GABRG3: variants seen among roughly 807,000 people sequenced by gnomAD.
GABRG3 encodes gamma-aminobutyric acid type A receptor subunit gamma3.
Under a neutral mutation model 48.8 loss-of-function variants are expected in GABRG3, and 25 were observed. The ratio of observed to expected loss-of-function variants is 0.51; its 90% CI spans 0.37 to 0.72. The LOEUF is 0.72. GABRG3 is among the 30% of genes least tolerant of loss of function. The pLI, the probability that GABRG3 is intolerant of heterozygous loss-of-function variation, is 0.00. For synonymous variants in GABRG3, 227 were observed against 217.6 expected (o/e 1.04, Z -0.38); for missense variants, 394 against 577.9 (o/e 0.68, Z 3.26).
rs554080999 is a variant in GABRG3 at position 27,061,296 on chromosome 15, T to C, written c.270+34475T>C. Among the ~76,000 whole-genome samples, 27 of 152,286 alleles carry C rather than the reference T, an allele frequency of 1.8e-4. No individual in the cohort carries two copies. In the South Asian group the frequency reaches 4.8e-3, roughly 27 times the overall value. Reference sequence around the variant, plus strand: ...TGTCCTTGCATCACTCGAACGAGGATGCCCCAGTGGCTAACGGTGTGAGAA... The same window carrying C: ...TGTCCTTGCATCACTCGAACGAGGACGCCCCAGTGGCTAACGGTGTGAGAA... On this transcript the variant is annotated intron_variant, in intron 3 of 9. Transcript: ENST00000615808.
At chr15:27,470,965 C>G (rs1007027747) in intron 5 of GABRG3, among the ~76,000 whole-genome samples, 1 of 151,828 alleles carries the variant, frequency 6.6e-6, no homozygotes, top group African/African-American at 2.4e-5. Flanking sequence ...TGTAACTGCC[C>G]AGTGGGTTCA....
intron 5 of GABRG3, among the ~76,000 whole-genome samples, chr15:27,406,478 A>T (rs1887637560): frequency 6.6e-6 from 1 of 152,192 alleles, no homozygotes; most frequent in Non-Finnish European, 1.5e-5. Context: ...GTGTGATATG[A>T]TGTGTTGAGA....
intron 5 of GABRG3, 110 bp downstream of exon 5, chr15:27,328,998 G>C (rs1022968875): frequency 1.6e-5 from 14 of 893,170 alleles, no homozygotes; most frequent in Non-Finnish European, 2.2e-5. Context: ...TGCACACACA[G>C]AGAAAACTGA....
chr15:27,073,858 G>T (rs1896866825), intron 3 of GABRG3, among the ~76,000 whole-genome samples: 1 of 152,200 alleles, frequency 6.6e-6, no homozygotes, highest in Non-Finnish European at 1.5e-5. Flanking sequence ...CCCTCGTGGT[G>T]GTTGTTCACA....
At chr15:26,987,242 A>G (rs948074889) in intron 2 of GABRG3, among the ~76,000 whole-genome samples, 3 of 152,230 alleles carry the variant, frequency 2.0e-5, no homozygotes, top group African/African-American at 7.2e-5. Context: ...GGCAGGGGGC[A>G]TCAGGTGCCT....
At chr15:27,405,421 CAGTAAATATGA>C (rs1887600807) in intron 5 of GABRG3, among the ~76,000 whole-genome samples, 1 of 152,110 alleles carries the variant, frequency 6.6e-6, no homozygotes, top group African/African-American at 2.4e-5. Context: ...TTGAAGATCC[CAGTAAATATGA>C]AGTATTTGTT....
chr15:27,154,195 C>T (rs1237628155), intron 3 of GABRG3, among the ~76,000 whole-genome samples: 1 of 152,018 alleles, frequency 6.6e-6, no homozygotes, highest in Non-Finnish European at 1.5e-5. Flanking sequence ...ATAGTGGAGC[C>T]CTGTTGATAT....
intron 3 of GABRG3, among the ~76,000 whole-genome samples, chr15:27,312,794 A>T (rs1180514038): frequency 6.6e-6 from 1 of 152,104 alleles, no homozygotes; most frequent in African/African-American, 2.4e-5. Flanking sequence ...ATGAAACCAA[A>T]AGACACTAAA....
rs549308548 is a variant in GABRG3, at chr15:26,971,481, A to C, written c.-55A>C. The C allele has an allele frequency of 3.9e-5, 55 of 1,419,830 alleles. No homozygotes were observed. The African/African-American group carries it at 7.3e-4, about 19-fold the overall frequency. The allele number at this position is 1,419,830 out of a possible 1,614,324, so 88.0% of individuals were successfully genotyped here. A position where few individuals can be genotyped will look rare whatever the true frequency, so the allele number is the denominator to read the frequency against. ...CCGGCGGAGACCAGGTCCGCGCCGG[A>C]GGAAGCCGCGCCCGGCCGAGGCCCC... is the stretch of plus-strand genomic sequence containing the variant. On this transcript the variant is annotated 5_prime_UTR_variant, in exon 1 of 10. Transcript: ENST00000615808.
chr15:26,994,706 T>G (rs1895308730), intron 2 of GABRG3, among the ~76,000 whole-genome samples: 1 of 152,044 alleles, frequency 6.6e-6, no homozygotes, highest in African/African-American at 2.4e-5. Context: ...TTAAATGGTG[T>G]CTTCTTGCTC....
chr15:27,317,695 C>T lies in GABRG3; in HGVS notation c.271-9114C>T, dbSNP rs147078052. On this transcript the variant is annotated intron_variant, in intron 3 of 9. Transcript: ENST00000615808. ...TGGTCACCGACTGTGACCAACTTCACGCTGGTGAAGCATTTAGAATGACTT... is the reference window on the plus strand; with the variant it reads ...TGGTCACCGACTGTGACCAACTTCATGCTGGTGAAGCATTTAGAATGACTT... Among the ~76,000 whole-genome samples the T allele has an allele frequency of 9.2e-5, 14 of 152,296 alleles. No individual in the cohort carries two copies. In the East Asian group the frequency reaches 2.7e-3, roughly 29 times the overall value.
chr15:27,415,877 AG>A (rs67751809), intron 5 of GABRG3, among the ~76,000 whole-genome samples: 54,308 of 152,074 alleles, frequency 0.36, 11,157 homozygotes, highest in East Asian at 0.51. Flanking sequence ...AGATCTTCAC[AG>A]GTAGCTACTC....
At chr15:27,175,569 C>T (rs546016919) in intron 3 of GABRG3, among the ~76,000 whole-genome samples, 16 of 152,320 alleles carry the variant, frequency 1.1e-4, no homozygotes, top group African/African-American at 3.6e-4. Context: ...CTAATAATGT[C>T]TTTAACTAAA....
At chr15:27,216,750 T>TATTTATTTATTTA (rs58685578) in intron 3 of GABRG3, among the ~76,000 whole-genome samples, 13,952 of 125,006 alleles carry the variant, frequency 0.11, 740 homozygotes, top group East Asian at 0.2. Context: ...TTTTTTTATT[T>TATTTATTTATTTA]TTTATTTATT....
At chr15:26,973,591 G>A (rs1317041393) in intron 1 of GABRG3, among the ~76,000 whole-genome samples, 1 of 152,176 alleles carries the variant, frequency 6.6e-6, no homozygotes, top group Non-Finnish European at 1.5e-5. Flanking sequence ...AGGGTCTGAT[G>A]GCTGTGCTTT....
chr15:27,193,712 GTGCGCTGCACCCAC>G (rs1888406575), intron 3 of GABRG3, among the ~76,000 whole-genome samples: 1 of 152,160 alleles, frequency 6.6e-6, no homozygotes, highest in African/African-American at 2.4e-5. Context: ...CTTGTGCACG[GTGCGCTGCACCCAC>G]TGACCTGCGC....
At chr15:27,215,263 A>G (rs1480601621) in intron 3 of GABRG3, among the ~76,000 whole-genome samples, 2 of 152,172 alleles carry the variant, frequency 1.3e-5, no homozygotes, top group African/African-American at 4.8e-5. Context: ...CCTTGCCTCC[A>G]CAGCCCCTGA....
intron 3 of GABRG3, among the ~76,000 whole-genome samples, chr15:27,221,861 T>A (rs929561598): frequency 6.6e-6 from 1 of 152,168 alleles, no homozygotes; most frequent in African/African-American, 2.4e-5. Flanking sequence ...AAGATGCTGT[T>A]TTCTATCTAT....
At chr15:27,502,267 T>G (rs2150854717) in intron 6 of GABRG3, among the ~76,000 whole-genome samples, 1 of 152,362 alleles carries the variant, frequency 6.6e-6, no homozygotes, top group East Asian at 1.9e-4. Context: ...TTTTGATTTA[T>G]TGTTTGATCC....
Sources: allele counts gnomAD v4.1 joint callset (sites outside exome capture counted in the v4.1 genomes callset), GRCh38; gene constraint gnomAD v4.1.1; transcripts MANE v1.5; gene names NCBI Gene and HGNC (gene_info 2026-07-23, HGNC 2026-07-21).